DIPK1B: variants seen among roughly 807,000 people sequenced by gnomAD.
DIPK1B encodes the protein divergent protein kinase domain 1B, also known as family with sequence similarity 69 member B.
DIPK1B carries 17 observed loss-of-function variants against 20.7 expected under a neutral mutation model. The ratio of observed to expected loss-of-function variants is 0.82; its 90% confidence interval spans 0.56 to 1.23. The LOEUF (loss-of-function observed/expected upper bound fraction) is 1.23. DIPK1B is among the 50% of genes most tolerant of loss of function. DIPK1B has a pLI of 0.00. For synonymous variants in DIPK1B, 343 were observed against 276.5 expected (o/e 1.24, Z -2.39); for missense variants, 648 against 601.8 (o/e 1.08, Z -0.80).
chr9:136,721,443 C>CGAGGCAGGAATGAA (rs1846599262), intron 2 of DIPK1B: 1 of 163,314 alleles, frequency 6.1e-6, no homozygotes, highest in Non-Finnish European at 1.3e-5. Flanking sequence ...TGGCGTCACC[C>CGAGGCAGGAATGAA]GAGGCAGGAA....
intron 2 of DIPK1B, among the ~76,000 whole-genome samples, chr9:136,719,910 A>G (rs13294653): frequency 5.0e-5 from 7 of 139,808 alleles, no homozygotes; most frequent in African/African-American, 1.4e-4. Flanking sequence ...TGGGGCTCCG[A>G]GTGCAGGGGG....
chr9:136,722,059 G>A (rs747170395), intron 3 of DIPK1B, 31 bp downstream of exon 3: 2 of 1,613,414 alleles, frequency 1.2e-6, no homozygotes, highest in South Asian at 1.1e-5. Flanking sequence ...GGTGGGCCTG[G>A]GGCTGATACT....
chr9:136,712,641 C>G lies in DIPK1B; in HGVS notation c.-25C>G. ...CTGAGGCCGAGCGAGCCGCGGGGCC[C>G]GCGCAGCCCCGGCCGGAGCCCACCA... On this transcript the variant is annotated 5_prime_UTR_variant, in exon 1 of 5. Coordinates refer to ENST00000371692, the MANE Select transcript of DIPK1B (RefSeq NM_152421.4). This position sits in a 1 kb window ranked among gnomAD's most constrained non-coding sequence, Gnocchi z 5.6. 8.7e-7 allele frequency: 1 copy of G among 1,149,344 alleles called. No individual in the cohort carries two copies. The highest frequency in any genetic ancestry group is 1.1e-6 in the Non-Finnish European group (1 of 934,186). 71.2% of individuals were successfully genotyped at this position (1,149,344 alleles called of 1,614,324 possible).
In DIPK1B at chr9:136,718,105, A is replaced by C. The variant is rs12554709; in HGVS notation, c.198+394A>C. Among the ~76,000 whole-genome samples the C allele has an allele frequency of 9.2e-3, 253 of 27,418 alleles. 4 individuals are homozygous for C. Among genetic ancestry groups the C allele is most frequent in the Middle Eastern group, 0.059 (2 of 34 alleles). The allele number at this position is 27,418 out of a possible 152,430, so 18.0% of individuals were successfully genotyped here. ...GTGGTGTCCTCACTGGATGGGATAG[A>C]GACCCCCGTGTGCTGGCCTCACTGG... On this transcript the variant is annotated intron_variant, in intron 2 of 4. Coordinates refer to ENST00000371692, the MANE Select transcript of DIPK1B (RefSeq NM_152421.4).
chr9:136,718,077 C>T (rs551909937), intron 2 of DIPK1B, among the ~76,000 whole-genome samples: 6 of 151,762 alleles, frequency 4.0e-5, no homozygotes, highest in South Asian at 2.1e-4. Flanking sequence ...TAGAGACCCC[C>T]GTGTGGTGTC....
At chr9:136,716,447 T>C (rs944304203) in intron 1 of DIPK1B, among the ~76,000 whole-genome samples, 2 of 151,784 alleles carry the variant, frequency 1.3e-5, no homozygotes, top group East Asian at 3.9e-4. Flanking sequence ...TTTGTATTTT[T>C]AGTAGAGATG....
rs1846446666 is a variant in DIPK1B, at chr9:136,712,893, G to A, written c.63+165G>A. Among the ~76,000 whole-genome samples, 2 of 152,100 alleles carry A rather than the reference G, an allele frequency of 1.3e-5. No homozygotes were observed. The highest frequency in any genetic ancestry group is 4.8e-5 in the African/African-American group (2 of 41,452). ...GGGGGCGAGTGGCTCCGGAAGGACG[G>A]GACGCTGGGGGAGGGGCGGTGGCGG... On this transcript the variant is annotated intron_variant, in intron 1 of 4. Transcript: ENST00000371692. The surrounding 1 kb of genome is among the most constrained non-coding windows in gnomAD (Gnocchi z 5.6).
In DIPK1B at chr9:136,712,848, C is replaced by T. The variant is rs1400662231; in HGVS notation, c.63+120C>T. On this transcript the variant is annotated intron_variant, in intron 1 of 4. Transcript: ENST00000371692. This position sits in a 1 kb window ranked among gnomAD's most constrained non-coding sequence, Gnocchi z 5.6. ...GGTTCGGACACGAAGGGTTCATGAG[C>T]CCGGGGTGGGCAGCGGGGAGGGGGC... 1.1e-5 allele frequency: 6 copies of T among 535,854 alleles called. No homozygotes were observed. The highest frequency in any genetic ancestry group is 1.0e-4 in the African/African-American group (5 of 49,228). The allele number at this position is 535,854 out of a possible 1,614,324, so 33.2% of individuals were successfully genotyped here. A position where few individuals can be genotyped will look rare whatever the true frequency, so the allele number is the denominator to read the frequency against.
rs1331121103 is a variant in DIPK1B at position 136,723,519 on chromosome 9, G to A, written c.1041G>A (p.Arg347=). Residue 347 remains arginine, a synonymous_variant, in exon 5 of 5, where the codon AGG becomes AGA. Coordinates refer to ENST00000371692, the MANE Select transcript of DIPK1B (RefSeq NM_152421.4). ...STDCTYGRDC[R]APCDRLMRQC... ...ACTGCACCTACGGGCGCGACTGCAG[G>A]GCCCCGTGTGACAGGCTCATGAGGC... 1.9e-6 allele frequency: 3 copies of A among 1,600,986 alleles called. No individual in the cohort carries two copies. The highest frequency in any genetic ancestry group is 1.6e-4 in the Middle Eastern group (1 of 6,072).
rs549973036 is a variant in DIPK1B at position 136,712,994 on chromosome 9, C to G, written c.63+266C>G. On this transcript the variant is annotated intron_variant, in intron 1 of 4. Coordinates refer to ENST00000371692, the MANE Select transcript of DIPK1B (RefSeq NM_152421.4). The surrounding 1 kb of genome is among the most constrained non-coding windows in gnomAD (Gnocchi z 5.6). ...CGACCTGCAGGCGGTCCCTGCCCCC[C>G]AGGCCCAGAAACCACACCGAAGTCC... Among the ~76,000 whole-genome samples the G allele has an allele frequency of 3.9e-5, 6 of 152,332 alleles. No homozygotes were observed. Among genetic ancestry groups the G allele is most frequent in the South Asian group, 2.1e-4 (1 of 4,832 alleles).
rs576846371 is a variant in DIPK1B at position 136,717,668 on chromosome 9, C to T, written c.155C>T (p.Ser52Phe). 2 of 1,610,088 alleles carry T rather than the reference C, an allele frequency of 1.2e-6. No homozygotes were observed. Among genetic ancestry groups the T allele is most frequent in the East Asian group, 2.2e-5 (1 of 44,876 alleles). ...GSWLVYVHYS[S>F]YSERCRGHVC... ...TGGCTGGTGTACGTGCACTACTCGT[C>T]CTACTCGGAGCGCTGTCGCGGCCAT... is the stretch of plus-strand genomic sequence containing the variant. Residue 52 changes from serine (S) to phenylalanine (F), a missense_variant, in exon 2 of 5, where the codon TCC becomes TTC. By Grantham distance (155) the Ser-to-Phe change is radical (BLOSUM62 -2). Coordinates refer to ENST00000371692, the MANE Select transcript of DIPK1B (RefSeq NM_152421.4).
chr9:136,722,555 G>A (rs549419756), intron 4 of DIPK1B: 21 of 583,768 alleles, frequency 3.6e-5, no homozygotes, highest in Admixed American at 9.1e-5. Flanking sequence ...GTCAAGGGCC[G>A]TGTGTCCAGC....
intron 1 of DIPK1B, among the ~76,000 whole-genome samples, chr9:136,716,689 C>T (rs548221333): frequency 1.1e-4 from 17 of 152,178 alleles, no homozygotes; most frequent in South Asian, 8.3e-4. Flanking sequence ...GGTGAGCCAC[C>T]ATGCCCGGCC....
At chr9:136,714,959 A>T (rs1161363457) in intron 1 of DIPK1B, among the ~76,000 whole-genome samples, 1 of 152,248 alleles carries the variant, frequency 6.6e-6, no homozygotes, top group African/African-American at 2.4e-5. Context: ...CTCGTTGAGG[A>T]GCTGGTGGCC....
At chr9:136,716,707 G>A (rs10118528) in intron 1 of DIPK1B, among the ~76,000 whole-genome samples, 33,363 of 152,042 alleles carry the variant, frequency 0.22, 3,683 homozygotes, top group African/African-American at 0.23. Flanking sequence ...GCCCGCCTGC[G>A]TCTCTTAAAG....
intron 2 of DIPK1B, among the ~76,000 whole-genome samples, chr9:136,718,307 G>A (rs759576815): frequency 1.1e-4 from 16 of 152,120 alleles, no homozygotes; most frequent in South Asian, 4.1e-4. Flanking sequence ...GCTGGCCTTA[G>A]TGGCCTCGCT....
In DIPK1B at chr9:136,712,685, T is replaced by A; in HGVS notation, c.20T>A (p.Leu7Gln). 1 of 1,322,660 alleles carries A rather than the reference T, an allele frequency of 7.6e-7. No individual in the cohort carries two copies. Among genetic ancestry groups the A allele is most frequent in the Non-Finnish European group, 9.6e-7 (1 of 1,036,824 alleles). 81.9% of individuals were successfully genotyped at this position (1,322,660 alleles called of 1,614,324 possible). A position where few individuals can be genotyped will look rare whatever the true frequency, so the allele number is the denominator to read the frequency against. ...CCCACCATGCGGCGGCTGCGGCGCC[T>A]GGCGCACCTGGTGCTCTTCTGCCCC... MRRLRR[L>Q]AHLVLFCPFS... is the part of the protein sequence containing the mutation. Residue 7 changes from leucine to glutamine, a missense_variant, in exon 1 of 5, where the codon CTG (leucine) becomes CAG (glutamine). Transcript: ENST00000371692. This position sits in a 1 kb window ranked among gnomAD's most constrained non-coding sequence, Gnocchi z 5.6.
chr9:136,722,916 A>C (rs774142541), intron 4 of DIPK1B, 46 bp from the exon 5 acceptor site: 2 of 1,532,756 alleles, frequency 1.3e-6, no homozygotes, highest in South Asian at 2.5e-5. Context: ...GTGCTCCCAG[A>C]CATCAAATCA....
At position 136,723,184 on chromosome 9, in the gene DIPK1B, C is replaced by T. The variant is rs1282263426; in HGVS notation, c.706C>T (p.His236Tyr). 7 of 1,612,760 alleles carry T rather than the reference C, an allele frequency of 4.3e-6. No homozygotes were observed. The highest frequency in any genetic ancestry group is 3.3e-5 in the Admixed American group (2 of 59,990). ...CCTCTACCTCACCGAGGGCGTGCCG[C>T]ATGGCGCCTGGCACGCGGCCGCCCT... is the stretch of plus-strand genomic sequence containing the variant. ...GDLYLTEGVP[H>Y]GAWHAAALPP... Residue 236 changes from histidine to tyrosine, a missense_variant, in exon 5 of 5, where the codon CAT (histidine) becomes TAT (tyrosine). Transcript: ENST00000371692.
Sources: gnomAD v4.1 joint callset for allele counts (sites outside exome capture counted in the v4.1 genomes callset) on GRCh38, gnomAD v4.1.1 for gene constraint, Gnocchi (gnomAD v3.1) non-coding constraint, MANE v1.5 for transcripts, NCBI Gene and HGNC (gene_info 2026-07-23, HGNC 2026-07-21) for gene names.